The following MAGI3 variants were observed in gnomAD, a reference collection of about 807,000 sequenced individuals.
MAGI3 encodes membrane associated guanylate kinase, WW and PDZ domain containing 3, also known as membrane-associated guanylate kinase, WW and PDZ domain-containing protein 3.
Under a neutral mutation model 121.8 loss-of-function variants are expected in MAGI3, and 43 were observed. The ratio of observed to expected loss-of-function variants is 0.35; its 90% CI spans 0.28 to 0.46. MAGI3 has a LOEUF of 0.46. MAGI3 is among the 20% of genes least tolerant of loss of function. MAGI3 has a pLI of 1.00. For missense variants in MAGI3, 1,547 were observed against 1,797.3 expected (o/e 0.86, Z 2.52); for synonymous variants, 553 against 639.3 (o/e 0.86, Z 2.04).
chr1:113,571,643 T>A (rs1274965791), intron 2 of MAGI3, among the ~76,000 whole-genome samples: 1 of 152,206 alleles, frequency 6.6e-6, no homozygotes, highest in East Asian at 1.9e-4. Context: ...TATTTTATTC[T>A]CTTTGTAGCA....
chr1:113,399,989 C>T (rs1389643190), intron 1 of MAGI3, among the ~76,000 whole-genome samples: 2 of 151,918 alleles, frequency 1.3e-5, no homozygotes, highest in Admixed American at 6.6e-5. Flanking sequence ...ACCATGATTT[C>T]GTGGAAATTA....
intron 3 of MAGI3, among the ~76,000 whole-genome samples, chr1:113,584,543 T>G (rs781717928): frequency 7.0e-4 from 106 of 152,308 alleles, no homozygotes; most frequent in Non-Finnish European, 9.9e-4. Flanking sequence ...AAAATTACCC[T>G]TACATAAAAA....
rs11438160 is a variant in MAGI3 at position 113,682,160 on chromosome 1, A to ATTTT, written c.3329-724_3329-721dup. ...AGTGACATCTTTGCTAACTGCACTG[A>ATTTT]TTTTTTTTTTTTTTTTCACATAGTC... On this transcript the variant is annotated intron_variant, in intron 20 of 20. Transcript: ENST00000307546. 737 of 1,403,536 alleles carry ATTTT rather than the reference A, an allele frequency of 5.3e-4. 1 individual carries two copies. The highest frequency in any genetic ancestry group is 1.8e-3 in the South Asian group (121 of 69,124). The allele number at this position is 1,403,536 out of a possible 1,614,324, so 86.9% of individuals were successfully genotyped here.
At chr1:113,530,731 G>A (rs1255739789) in intron 1 of MAGI3, among the ~76,000 whole-genome samples, 1 of 151,904 alleles carries the variant, frequency 6.6e-6, no homozygotes, top group East Asian at 1.9e-4. Context: ...GACCAGCCTG[G>A]GCAACATAGT....
chr1:113,660,218 C>T (rs143736844), intron 16 of MAGI3, among the ~76,000 whole-genome samples: 164 of 152,260 alleles, frequency 1.1e-3, no homozygotes, highest in African/African-American at 3.8e-3. Context: ...TAGGCCCTGT[C>T]GAATTCTGGG....
At chr1:113,629,757 T>TCTCTCTCTCTCTCC (rs1553209675) in intron 9 of MAGI3, among the ~76,000 whole-genome samples, 25 of 95,746 alleles carry the variant, frequency 2.6e-4, no homozygotes, top group South Asian at 1.0e-3. Flanking sequence ...TCTCTCTCTC[T>TCTCTCTCTCTCTCC]CTCTCCCTCC....
intron 14 of MAGI3, 53 bp from the exon 15 acceptor site, chr1:113,653,777 C>A: frequency 1.4e-6 from 2 of 1,422,238 alleles, no homozygotes; most frequent in Non-Finnish European, 1.9e-6. Flanking sequence ...ACACTTTAGT[C>A]ACCAGAAATT....
chr1:113,583,920 T>G (rs1305797975), intron 3 of MAGI3, among the ~76,000 whole-genome samples: 2 of 152,228 alleles, frequency 1.3e-5, no homozygotes, highest in African/African-American at 4.8e-5. Context: ...TTCATTATTT[T>G]AATGACAATT....
chr1:113,508,416 T>C (rs1481025882), intron 1 of MAGI3, among the ~76,000 whole-genome samples: 1 of 152,164 alleles, frequency 6.6e-6, no homozygotes, highest in East Asian at 1.9e-4. Flanking sequence ...GCCTGGCTCA[T>C]TTTTCCACTG....
At chr1:113,537,577 C>T (rs553187533) in intron 1 of MAGI3, among the ~76,000 whole-genome samples, 4 of 152,090 alleles carry the variant, frequency 2.6e-5, no homozygotes, top group South Asian at 2.1e-4. Context: ...GGAGGCCTTC[C>T]GGATATTTTC....
chr1:113,564,357 A>C (rs1265583510), intron 2 of MAGI3, among the ~76,000 whole-genome samples: 2 of 152,174 alleles, frequency 1.3e-5, no homozygotes, highest in Non-Finnish European at 2.9e-5. Flanking sequence ...TGAGAGCCCA[A>C]ATGACTGCTG....
At chr1:113,395,690 CT>C (rs1557733327) in intron 1 of MAGI3, among the ~76,000 whole-genome samples, 44 of 151,676 alleles carry the variant, frequency 2.9e-4, no homozygotes, top group Admixed American at 2.9e-3. Context: ...CACACACATA[CT>C]TTTGTTAACT....
chr1:113,619,611 G>T (rs1650696007), intron 7 of MAGI3, 125 bp from the exon 8 acceptor site: 4 of 635,304 alleles, frequency 6.3e-6, no homozygotes, highest in Non-Finnish European at 2.7e-6. Flanking sequence ...GTCTCTCCAT[G>T]TTCCATAGCC....
At chr1:113,596,172 T>C (rs1185887027) in intron 6 of MAGI3, among the ~76,000 whole-genome samples, 1 of 151,424 alleles carries the variant, frequency 6.6e-6, no homozygotes, top group Non-Finnish European at 1.5e-5. Context: ...GCTACAGTGA[T>C]AAAGACAGTT....
chr1:113,420,727 C>T (rs1652693095), intron 1 of MAGI3, among the ~76,000 whole-genome samples: 1 of 152,194 alleles, frequency 6.6e-6, no homozygotes, highest in African/African-American at 2.4e-5. Flanking sequence ...TTGAATATTT[C>T]ATGGTTTTGA....
chr1:113,617,015 C>A (rs557420039), intron 7 of MAGI3, among the ~76,000 whole-genome samples: 48 of 152,136 alleles, frequency 3.2e-4, no homozygotes, highest in African/African-American at 1.1e-3. Context: ...CTCAGCCCCC[C>A]AGTAGCTGAG....
intron 1 of MAGI3, among the ~76,000 whole-genome samples, chr1:113,468,353 T>C (rs1339051282): frequency 1.3e-5 from 2 of 152,200 alleles, no homozygotes; most frequent in African/African-American, 2.4e-5. Context: ...TTATTTTTGG[T>C]GAATCTATTA....
intron 19 of MAGI3, 81 bp downstream of exon 19, chr1:113,673,546 G>T (rs1647690837): frequency 1.4e-6 from 2 of 1,422,092 alleles, no homozygotes; most frequent in Non-Finnish European, 9.6e-7. Flanking sequence ...GATTTAAAGG[G>T]AATGCAGGAA....
chr1:113,645,571 G>A (rs1042442319), intron 11 of MAGI3, among the ~76,000 whole-genome samples: 5 of 152,154 alleles, frequency 3.3e-5, no homozygotes, highest in African/African-American at 1.2e-4. Context: ...ATGCTAAGAT[G>A]TATGGGGAAG....
Sources: gnomAD v4.1 joint callset for allele counts (sites outside exome capture counted in the v4.1 genomes callset) on GRCh38, gnomAD v4.1.1 for gene constraint, MANE v1.5 for transcripts, NCBI Gene and HGNC (gene_info 2026-07-23, HGNC 2026-07-21) for gene names.